Variants in CNOT1 observed in about 807,000 individuals in gnomAD.
CNOT1 encodes the protein CCR4-associated factor 1.
Under a neutral mutation model 273.8 loss-of-function variants are expected in CNOT1, and 15 were observed. The ratio of observed to expected loss-of-function variants is 0.05; its 90% CI spans 0.04 to 0.08. The LOEUF (loss-of-function observed/expected upper bound fraction) is 0.08. CNOT1 is among the 10% of genes least tolerant of loss of function. The pLI, the probability that CNOT1 is intolerant of heterozygous loss-of-function variation, is 1.00. For synonymous variants in CNOT1, 1,022 were observed against 1,005.5 expected (o/e 1.02, Z -0.31); for missense variants, 1,644 against 2,912.2 (o/e 0.56, Z 10.02).
At position 58,530,231 on chromosome 16, in the gene CNOT1, A is replaced by G. The variant is rs749538903; in HGVS notation, c.6279+15T>C. On this transcript the variant is annotated intron_variant, in intron 43 of 48. Transcript: ENST00000317147. ...TCTCAGTTATTTTAATTTATAATAA[A>G]TCCAAGTTAATTACCTTGTAGAGGA... is the stretch of plus-strand genomic sequence containing the variant. The G allele has an allele frequency of 1.3e-6, 2 of 1,556,310 alleles. 1 individual carries two copies. Among genetic ancestry groups the G allele is most frequent in the South Asian group, 2.4e-5 (2 of 84,640 alleles).
rs1491526396 is a variant in CNOT1 at position 58,554,936 on chromosome 16, A to AAAAGAAAAG, written c.2891+314_2891+315insCTTTTCTTT. Among the ~76,000 whole-genome samples the AAAAGAAAAG allele has an allele frequency of 2.3e-4, 7 of 29,822 alleles. 1 individual carries two copies. The highest frequency in any genetic ancestry group is 1.4e-3 in the African/African-American group (7 of 4,876). 19.6% of individuals were successfully genotyped at this position (29,822 alleles called of 152,430 possible). On this transcript the variant is annotated intron_variant, in intron 21 of 48. Coordinates refer to ENST00000317147, the MANE Select transcript of CNOT1 (RefSeq NM_016284.5). ...GGGGGACAGAGCAAGACTCCATCTC[A>AAAAGAAAAG]AAAAAAAAAAAAAAAAAGCTTCAGG... is the stretch of plus-strand genomic sequence containing the variant.
At chr16:58,600,797 T>C (rs988256952) in intron 1 of CNOT1, among the ~76,000 whole-genome samples, 13 of 152,170 alleles carry the variant, frequency 8.5e-5, no homozygotes, top group African/African-American at 3.1e-4. Context: ...CTATTCTGTA[T>C]AGAAAAGACA....
chr16:58,537,946 T>C lies in CNOT1; in HGVS notation c.5359A>G (p.Thr1787Ala). 6.2e-7 allele frequency: 1 copy of C among 1,614,186 alleles called. No homozygotes were observed. The highest frequency in any genetic ancestry group is 8.5e-7 in the Non-Finnish European group (1 of 1,180,024). Residue 1787 changes from threonine to alanine, a missense_variant, in exon 38 of 49, where the codon ACC becomes GCC. Thr to Ala is a moderately conservative substitution (Grantham distance 58). Coordinates refer to ENST00000317147, the MANE Select transcript of CNOT1 (RefSeq NM_016284.5). ...AHVTEADLFH[T>A]IETLMRINAH... ...TTAATCCTCATGAGGGTTTCAATGG[T>C]GTGGAACAGATCTGCCTCAGTAACA...
At chr16:58,621,754 C>CA (rs1567450595) in intron 1 of CNOT1, among the ~76,000 whole-genome samples, 1 of 134,938 alleles carries the variant, frequency 7.4e-6, no homozygotes, top group African/African-American at 2.7e-5. Context: ...CCGTCTCTAC[C>CA]AAAAAATACA....
Position 58,546,182 on chromosome 16 carries a change from A to G in CNOT1, c.4006+139T>C, listed in dbSNP as rs1597433041. The G allele has an allele frequency of 1.7e-5, 12 of 710,110 alleles. No individual in the cohort carries two copies. In the East Asian group the frequency reaches 3.1e-4, roughly 19 times the overall value. 44.0% of individuals were successfully genotyped at this position (710,110 alleles called of 1,614,324 possible). On this transcript the variant is annotated intron_variant, in intron 29 of 48. Coordinates refer to ENST00000317147, the MANE Select transcript of CNOT1 (RefSeq NM_016284.5). The stretch of plus-strand genomic sequence containing the variant: ...TAGTCATTACTTCTGCTTGATAATT[A>G]GAAGGCTCACCAAAACGTATACAAA...
At chr16:58,539,639 A>G (rs746362006) in intron 35 of CNOT1, 129 bp downstream of exon 35, 2 of 929,832 alleles carry the variant, frequency 2.2e-6, no homozygotes, top group Non-Finnish European at 2.9e-6. Flanking sequence ...AAAAAAAATC[A>G]CCTACTTACA....
At chr16:58,625,685 A>AG (rs958094452) in intron 1 of CNOT1, among the ~76,000 whole-genome samples, 1 of 137,416 alleles carries the variant, frequency 7.3e-6, no homozygotes, top group African/African-American at 3.2e-5. Context: ...ACTCTCTCTC[A>AG]AAAAAAAAAG....
At chr16:58,529,977 T>C (rs1024654534) in intron 43 of CNOT1, among the ~76,000 whole-genome samples, 1 of 151,458 alleles carries the variant, frequency 6.6e-6, no homozygotes, top group Non-Finnish European at 1.5e-5. Context: ...AAGATGAAGA[T>C]GGGGGAAAAC....
chr16:58,536,790 G>A (rs1290188526), intron 39 of CNOT1, among the ~76,000 whole-genome samples, 199 bp downstream of exon 39: 1 of 152,122 alleles, frequency 6.6e-6, no homozygotes, highest in African/African-American at 2.4e-5. Flanking sequence ...AACGGTGGGA[G>A]GGAATGTTGC....
At position 58,538,870 on chromosome 16, in the gene CNOT1, G is replaced by A; in HGVS notation, c.5037C>T (p.Asp1679=). 1.1e-5 allele frequency: 18 copies of A among 1,610,062 alleles called. No individual in the cohort carries two copies. The highest frequency in any genetic ancestry group is 1.5e-5 in the Non-Finnish European group (18 of 1,179,302). The change falls in exon 36 of 49, where the codon GAC becomes GAT. Residue 1679 remains aspartate, a synonymous_variant. Coordinates refer to ENST00000317147, the MANE Select transcript of CNOT1 (RefSeq NM_016284.5). ...LLDATSGADA[D]LLLRYRECHL... ...GGCATTCCCTGTAGCGCAGCAGAAGGTCAGCATCAGCACCACTTGTGGCAT... is the reference window on the plus strand; with the variant it reads ...GGCATTCCCTGTAGCGCAGCAGAAGATCAGCATCAGCACCACTTGTGGCAT...
intron 31 of CNOT1, chr16:58,543,071 C>A: frequency 8.3e-7 from 1 of 1,201,820 alleles, no homozygotes; most frequent in Non-Finnish European, 1.1e-6. Flanking sequence ...CTAGCCTAAG[C>A]TACAGAGTGA....
At chr16:58,621,516 G>A (rs954043889) in intron 1 of CNOT1, among the ~76,000 whole-genome samples, 2 of 150,806 alleles carry the variant, frequency 1.3e-5, no homozygotes, top group East Asian at 4.0e-4. Flanking sequence ...CAGGTGATCC[G>A]CCCGCCTCGG....
chr16:58,556,962 A>T lies in CNOT1; in HGVS notation c.2364T>A (p.Gly788=). ...VGGLGTGSLT[G]IGTGALGLPA... ...GGAGTCCAAGAGCACCAGTTCCTAT[A>T]CCAGTCAGGCTGCCTGTGCCAAGAC... is the stretch of plus-strand genomic sequence containing the variant. The change falls in exon 19 of 49, where the codon GGT becomes GGA. Residue 788 remains glycine (G), a synonymous_variant. Transcript: ENST00000317147. 1 of 1,614,078 alleles carries T rather than the reference A, an allele frequency of 6.2e-7. No homozygotes were observed. Among genetic ancestry groups the T allele is most frequent in the Non-Finnish European group, 8.5e-7 (1 of 1,180,018 alleles).
intron 15 of CNOT1, 85 bp downstream of exon 15, chr16:58,574,922 C>A: frequency 1.3e-6 from 2 of 1,575,190 alleles, no homozygotes; most frequent in South Asian, 2.4e-5. Flanking sequence ...TTTATTACTG[C>A]TGCACAAATT....
chr16:58,574,830 C>A (rs2041404249), intron 15 of CNOT1, 70 bp from the exon 16 acceptor site: 1 of 1,571,898 alleles, frequency 6.4e-7, no homozygotes, highest in Non-Finnish European at 8.6e-7. Flanking sequence ...AAGATAACTA[C>A]TAAGCACTAT....
chr16:58,570,629 T>C (rs1438718048), intron 16 of CNOT1, among the ~76,000 whole-genome samples: 6 of 152,100 alleles, frequency 3.9e-5, no homozygotes, highest in African/African-American at 1.4e-4. Flanking sequence ...AAAAAATAAC[T>C]GCATGAAGCA....
chr16:58,558,623 G>A lies in CNOT1; in HGVS notation c.2182C>T (p.Pro728Ser). The change falls in exon 18 of 49, where the codon CCT becomes TCT. Residue 728 changes from proline (P) to serine (S), a missense_variant. By Grantham distance (74) the Pro-to-Ser change is moderately conservative. Transcript: ENST00000317147. ...AAACCCTGCATACTCTGGGTGTGAGGGGCAGCTGAACCACCTATACTAAGA... is the reference window on the plus strand; with the variant it reads ...AAACCCTGCATACTCTGGGTGTGAGAGGCAGCTGAACCACCTATACTAAGA... The part of the protein sequence containing the change: ...TSLSIGGSAA[P>S]HTQSMQGFPP... 8.1e-6 allele frequency: 13 copies of A among 1,613,384 alleles called. 1 individual carries two copies. Among genetic ancestry groups the A allele is most frequent in the Non-Finnish European group, 1.1e-5 (13 of 1,179,742 alleles).
Position 58,603,270 on chromosome 16 carries a change from T to C in CNOT1, c.-174-3759A>G, listed in dbSNP as rs118139058. On this transcript the variant is annotated intron_variant, in intron 1 of 48. Coordinates refer to ENST00000317147, the MANE Select transcript of CNOT1 (RefSeq NM_016284.5). ...AAAACCCAGGCATGGTGGCTCACAC[T>C]TGCAGTCCCAGCTACTTGTGATGCT... 4.0e-3 allele frequency among the ~76,000 whole-genome samples: 602 copies of C among 152,240 alleles called. 7 individuals carry two copies. The highest frequency in any genetic ancestry group is 0.012 in the East Asian group (60 of 5,186).
intron 45 of CNOT1, 70 bp from the exon 46 acceptor site, chr16:58,525,429 T>C: frequency 7.4e-6 from 10 of 1,348,686 alleles, no homozygotes; most frequent in Non-Finnish European, 1.0e-5. Context: ...CCAGTATTTC[T>C]AAACCCTTCT....
Sources: allele counts gnomAD v4.1 joint callset (sites outside exome capture counted in the v4.1 genomes callset), GRCh38; gene constraint gnomAD v4.1.1; transcripts MANE v1.5; gene names NCBI Gene and HGNC (gene_info 2026-07-23, HGNC 2026-07-21).